ARHGAP32: variants seen among roughly 807,000 people sequenced by gnomAD.
ARHGAP32 encodes the protein rho GTPase-activating protein 32.
A neutral mutation model predicts 186.5 loss-of-function variants in ARHGAP32; 51 were observed. The ratio of observed to expected loss-of-function variants is 0.27; its 90% CI spans 0.22 to 0.35. ARHGAP32 has a LOEUF of 0.35. Ranked by LOEUF, ARHGAP32 falls within the 10% of genes least tolerant of loss-of-function variation. The pLI is 1.00. For synonymous variants in ARHGAP32, 950 were observed against 964.3 expected, an observed-to-expected ratio of 0.99 and a Z score of 0.27; for missense variants, 2,186 against 2,623.5, an observed-to-expected ratio of 0.83 and a Z score of 3.64.
rs960869917 is a variant in ARHGAP32, at chr11:128,974,437, G to T, written c.2760C>A (p.Ser920Arg). 6.2e-6 allele frequency: 10 copies of T among 1,614,080 alleles called. No homozygotes were observed. The Admixed American group carries it at 1.3e-4, about 22-fold the overall frequency. The change falls in exon 21 of 23, where the codon AGC (serine) becomes AGA (arginine). Residue 920 changes from serine to arginine, a missense_variant. Transcript: ENST00000682385. ...GRKLSKSPSM[S>R]ISEPISVTLP... ...GGGTCACTGAAATTGGCTCAGATAT[G>T]CTCATAGAAGGTGATTTGCTTAATT...
intron 11 of ARHGAP32, among the ~76,000 whole-genome samples, chr11:129,015,322 G>A (rs1380114379): frequency 6.6e-5 from 10 of 152,116 alleles, no homozygotes. Flanking sequence ...AGGAGCTAAC[G>A]TACTGATAGA....
intron 1 of ARHGAP32, among the ~76,000 whole-genome samples, chr11:129,241,274 T>C (rs1401039720): frequency 1.3e-5 from 2 of 152,220 alleles, no homozygotes; most frequent in East Asian, 1.9e-4. Flanking sequence ...CTTCATTAAA[T>C]TTCCTTTTAT....
At chr11:128,984,279 G>A (rs1303271493) in intron 15 of ARHGAP32, among the ~76,000 whole-genome samples, 2 of 152,062 alleles carry the variant, frequency 1.3e-5, no homozygotes, top group Non-Finnish European at 2.9e-5. Flanking sequence ...GGGGGCTGAG[G>A]TGGGAGAATC....
At chr11:129,021,215 G>A (rs963559372) in intron 11 of ARHGAP32, among the ~76,000 whole-genome samples, 1 of 150,578 alleles carries the variant, frequency 6.6e-6, no homozygotes, top group Non-Finnish European at 1.5e-5. Flanking sequence ...AACATTAAGG[G>A]ATCTAGAAAA....
chr11:128,972,893 T>G lies in ARHGAP32; in HGVS notation c.3613A>C (p.Ser1205Arg). The change falls in exon 22 of 23, where the codon AGT (serine) becomes CGT (arginine). Residue 1205 changes from serine to arginine, a missense_variant. This residue lies in a region of ARHGAP32 where 1,502 missense variants were observed against 1,570.0 expected (regional missense o/e 0.96). Transcript: ENST00000682385. Reference protein sequence around the residue: ...SFPEDQSGKNSMPTVSFLDQD... With the variant: ...SFPEDQSGKNRMPTVSFLDQD... ...TCCAAGAAGGAGACAGTTGGCATAC[T>G]GTTCTTCCCAGACTGGTCTTCAGGG... is the stretch of plus-strand genomic sequence containing the variant. 1 of 1,614,090 alleles carries G rather than the reference T, an allele frequency of 6.2e-7. No homozygotes were observed.
chr11:129,025,389 T>C (rs1216110020), intron 11 of ARHGAP32, among the ~76,000 whole-genome samples: 1 of 152,144 alleles, frequency 6.6e-6, no homozygotes, highest in Non-Finnish European at 1.5e-5. Context: ...TAAAAAACAA[T>C]AAATTTATGT....
intron 1 of ARHGAP32, among the ~76,000 whole-genome samples, chr11:129,277,903 A>C (rs1945552127): frequency 6.6e-6 from 1 of 152,222 alleles, no homozygotes; most frequent in Non-Finnish European, 1.5e-5. Context: ...CCAAGGAACA[A>C]ATATCGATTC....
chr11:129,184,363 T>A (rs1229703452), intron 1 of ARHGAP32, among the ~76,000 whole-genome samples: 1 of 151,902 alleles, frequency 6.6e-6, no homozygotes, highest in Non-Finnish European at 1.5e-5. Flanking sequence ...AAACAGAACA[T>A]GTACACTGAA....
intron 2 of ARHGAP32, among the ~76,000 whole-genome samples, chr11:129,156,743 C>T (rs146658865): frequency 0.025 from 3,841 of 152,258 alleles, 160 homozygotes; most frequent in African/African-American, 0.083. Flanking sequence ...GACAGACTGC[C>T]CCCTCAAGTG....
intron 5 of ARHGAP32, among the ~76,000 whole-genome samples, chr11:129,122,550 T>C (rs1942557863): frequency 6.6e-6 from 1 of 151,840 alleles, no homozygotes; most frequent in African/African-American, 2.4e-5. Flanking sequence ...AAAATATCCT[T>C]TGTTTGATGT....
At chr11:129,010,483 A>G (rs1938026697) in intron 11 of ARHGAP32, among the ~76,000 whole-genome samples, 7 of 152,146 alleles carry the variant, frequency 4.6e-5, no homozygotes, top group Admixed American at 4.6e-4. Flanking sequence ...GGTGTAAGGA[A>G]GGGGTCTAGT....
chr11:129,117,271 C>T lies in ARHGAP32; in HGVS notation c.444+6175G>A, dbSNP rs1397728142. 7.9e-5 allele frequency among the ~76,000 whole-genome samples: 12 copies of T among 152,072 alleles called. No homozygotes were observed. The East Asian group carries it at 2.3e-3, about 29-fold the overall frequency. On this transcript the variant is annotated intron_variant, in intron 5 of 22. Transcript: ENST00000682385. ...GAGTAAGTTCTTAAACTCTTTTTACCTAAATTTCTGTACCTGAAATTGTTG... is the reference window on the plus strand; with the variant it reads ...GAGTAAGTTCTTAAACTCTTTTTACTTAAATTTCTGTACCTGAAATTGTTG...
chr11:129,016,545 ACGTGAAAAATG>A (rs1938347939), intron 11 of ARHGAP32, among the ~76,000 whole-genome samples: 1 of 152,212 alleles, frequency 6.6e-6, no homozygotes. Flanking sequence ...ATTCTATCTT[ACGTGAAAAATG>A]CATATAGCAT....
At chr11:128,995,996 T>A (rs1017465073) in intron 12 of ARHGAP32, among the ~76,000 whole-genome samples, 2 of 152,248 alleles carry the variant, frequency 1.3e-5, no homozygotes, top group African/African-American at 4.8e-5. Flanking sequence ...TGTCTTGCTA[T>A]GAAATGTCAA....
chr11:128,996,066 A>G (rs1428836695), intron 12 of ARHGAP32, among the ~76,000 whole-genome samples: 1 of 152,254 alleles, frequency 6.6e-6, no homozygotes, highest in East Asian at 1.9e-4. Flanking sequence ...TTCTGAACCT[A>G]TTGGTAAAAA....
upstream of ARHGAP32, among the ~76,000 whole-genome samples, chr11:129,194,946 TG>T (rs1281844241): frequency 8.3e-6 from 1 of 121,050 alleles, no homozygotes; most frequent in Non-Finnish European, 1.7e-5. Context: ...GTTGTTTTTT[TG>T]TGGGGGGGGG....
chr11:129,148,532 G>A (rs1457486236), intron 2 of ARHGAP32, among the ~76,000 whole-genome samples: 1 of 152,218 alleles, frequency 6.6e-6, no homozygotes, highest in African/African-American at 2.4e-5. Context: ...GGGAAGGCAG[G>A]CAGCAGAATT....
intron 5 of ARHGAP32, among the ~76,000 whole-genome samples, chr11:129,103,467 G>C (rs921591824): frequency 1.3e-5 from 2 of 152,014 alleles, no homozygotes. Flanking sequence ...GGAGATAAGA[G>C]AGAATGAAGC....
chr11:129,028,515 A>T (rs1938962830), intron 11 of ARHGAP32, among the ~76,000 whole-genome samples: 1 of 152,226 alleles, frequency 6.6e-6, no homozygotes, highest in South Asian at 2.1e-4. Flanking sequence ...GATTCACCCA[A>T]ATATTCTGAA....
Sources: allele counts gnomAD v4.1 joint callset (sites outside exome capture counted in the v4.1 genomes callset), GRCh38; gene constraint gnomAD v4.1.1; regional missense constraint gnomAD v4.1.1; transcripts MANE v1.5; gene names NCBI Gene and HGNC (gene_info 2026-07-23, HGNC 2026-07-21).